ASCC3: variants seen among roughly 807,000 people sequenced by gnomAD.
The protein encoded by ASCC3 is ASC-1 complex subunit P200.
Under a neutral mutation model 256.3 loss-of-function variants are expected in ASCC3, and 158 were observed. The ratio of observed to expected loss-of-function variants is 0.62; its 90% CI spans 0.54 to 0.70. The LOEUF is 0.70. ASCC3 is among the 30% of genes least tolerant of loss of function. The probability of loss-of-function intolerance (pLI) is 0.00; values close to 1 mark genes in which losing one functional copy is unlikely to be tolerated. For missense variants in ASCC3, 2,259 were observed against 2,626.0 expected (o/e 0.86, Z 3.05); for synonymous variants, 948 against 883.4 (o/e 1.07, Z -1.30).
At chr6:100,546,685 T>C (rs953358103) in intron 36 of ASCC3, among the ~76,000 whole-genome samples, 1 of 152,162 alleles carries the variant, frequency 6.6e-6, no homozygotes, top group Middle Eastern at 3.2e-3. Flanking sequence ...CCAGAAAAAT[T>C]TAACAAGTTT....
intron 8 of ASCC3, among the ~76,000 whole-genome samples, chr6:100,778,083 G>A (rs925063254): frequency 6.2e-5 from 8 of 128,954 alleles, no homozygotes; most frequent in African/African-American, 2.3e-4. Flanking sequence ...ATCTGATGAT[G>A]ACTTAAATGT....
At chr6:100,666,360 C>T (rs1330923778) in intron 14 of ASCC3, among the ~76,000 whole-genome samples, 1 of 152,056 alleles carries the variant, frequency 6.6e-6, no homozygotes, top group South Asian at 2.1e-4. Context: ...TCTTACGGGT[C>T]ACATGGTTAA....
chr6:100,517,681 A>G (rs867044005), intron 38 of ASCC3, among the ~76,000 whole-genome samples: 24 of 152,312 alleles, frequency 1.6e-4, no homozygotes, highest in Non-Finnish European at 1.8e-4. Context: ...AAGCATTTTA[A>G]TGATATCTTC....
chr6:100,675,866 C>T (rs924493797), intron 14 of ASCC3, among the ~76,000 whole-genome samples: 8 of 152,048 alleles, frequency 5.3e-5, no homozygotes, highest in Admixed American at 5.2e-4. Flanking sequence ...AAATTTGTCC[C>T]TAACAGAAAA....
At chr6:100,708,054 A>G (rs758204826) in intron 13 of ASCC3, among the ~76,000 whole-genome samples, 2 of 152,114 alleles carry the variant, frequency 1.3e-5, no homozygotes, top group Non-Finnish European at 2.9e-5. Context: ...TCACAATTGT[A>G]ATAACCTTCT....
intron 13 of ASCC3, among the ~76,000 whole-genome samples, chr6:100,685,956 C>A (rs1207431012): frequency 6.6e-6 from 1 of 152,176 alleles, no homozygotes; most frequent in Admixed American, 6.5e-5. Context: ...TCTTCTAGTA[C>A]TTCCTCTATC....
chr6:100,834,287 A>G (rs184185673), intron 4 of ASCC3, among the ~76,000 whole-genome samples: 7 of 152,346 alleles, frequency 4.6e-5, no homozygotes, highest in East Asian at 1.9e-4. Context: ...GAATATTTCA[A>G]ATGTTAGCAC....
chr6:100,723,028 G>C (rs1280857621), intron 11 of ASCC3, among the ~76,000 whole-genome samples: 3 of 151,478 alleles, frequency 2.0e-5, no homozygotes, highest in Non-Finnish European at 4.4e-5. Flanking sequence ...TCCACAGTTT[G>C]ATATATAGAA....
At chr6:100,514,957 C>T (rs1009142949) in intron 39 of ASCC3, among the ~76,000 whole-genome samples, 2 of 152,176 alleles carry the variant, frequency 1.3e-5, no homozygotes, top group African/African-American at 4.8e-5. Flanking sequence ...GAGCCGGCAC[C>T]AGATTGCTCT....
At chr6:100,766,108 A>ATT (rs1217481544) in intron 10 of ASCC3, among the ~76,000 whole-genome samples, 10 of 152,194 alleles carry the variant, frequency 6.6e-5, no homozygotes, top group Non-Finnish European at 1.5e-4. Flanking sequence ...ATAGTGCTAT[A>ATT]TACAGTGCAT....
At chr6:100,758,906 G>A (rs1281566719) in intron 10 of ASCC3, among the ~76,000 whole-genome samples, 1 of 152,118 alleles carries the variant, frequency 6.6e-6, no homozygotes, top group Non-Finnish European at 1.5e-5. Flanking sequence ...AGCATCTGTT[G>A]TTTCTTGGTT....
chr6:100,793,373 C>T (rs1769444162), intron 8 of ASCC3, among the ~76,000 whole-genome samples: 1 of 151,910 alleles, frequency 6.6e-6, no homozygotes, highest in African/African-American at 2.4e-5. Context: ...GTCACTAAAA[C>T]CTGGTCATGC....
chr6:100,776,215 T>C (rs919551660), intron 8 of ASCC3, among the ~76,000 whole-genome samples: 7 of 152,204 alleles, frequency 4.6e-5, no homozygotes, highest in Admixed American at 1.3e-4. Flanking sequence ...AATGAATACA[T>C]AAAGTTAAAC....
At chr6:100,817,314 T>C (rs80305042) in intron 4 of ASCC3, among the ~76,000 whole-genome samples, 2,031 of 151,564 alleles carry the variant, frequency 0.013, 20 homozygotes, top group East Asian at 0.045. Context: ...TGTAAATGCA[T>C]ATATAAAGAA....
chr6:100,828,008 T>C (rs1254202951), intron 4 of ASCC3, among the ~76,000 whole-genome samples: 1 of 150,064 alleles, frequency 6.7e-6, no homozygotes, highest in East Asian at 2.0e-4. Context: ...CTTTATTTCC[T>C]TTCAAACTTA....
intron 30 of ASCC3, among the ~76,000 whole-genome samples, chr6:100,623,637 G>C (rs571935857): frequency 1.3e-5 from 2 of 152,172 alleles, no homozygotes; most frequent in African/African-American, 4.8e-5. Flanking sequence ...CACTGAAGAG[G>C]GTTGGTGGAG....
At chr6:100,643,297 A>G (rs239244) in intron 23 of ASCC3, among the ~76,000 whole-genome samples, 11,162 of 152,190 alleles carry the variant, frequency 0.073, 609 homozygotes, top group African/African-American at 0.15. Flanking sequence ...AGTTAAAGAA[A>G]TACCATCAAA....
intron 1 of ASCC3, among the ~76,000 whole-genome samples, chr6:100,876,892 T>C (rs933171544): frequency 2.6e-5 from 4 of 152,160 alleles, no homozygotes; most frequent in Admixed American, 1.3e-4. Flanking sequence ...GTCTTAAAAA[T>C]GTAACTGTCC....
rs376976049 is a variant in ASCC3 at position 100,679,800 on chromosome 6, A to G, written c.2152-48T>C. 5.7e-6 allele frequency: 9 copies of G among 1,582,998 alleles called. No homozygotes were observed. In the African/African-American group the frequency reaches 1.2e-4, roughly 21 times the overall value. On this transcript the variant is annotated intron_variant, in intron 13 of 41. Coordinates refer to ENST00000369162, the MANE Select transcript of ASCC3 (RefSeq NM_006828.4). ...ATTTAATATTCCAATTAATTAAATTACAGCTTAATAGTAGCCTGGATATCA... is the reference window on the plus strand; with the variant it reads ...ATTTAATATTCCAATTAATTAAATTGCAGCTTAATAGTAGCCTGGATATCA...
Sources: allele counts gnomAD v4.1 joint callset (sites outside exome capture counted in the v4.1 genomes callset), GRCh38; gene constraint gnomAD v4.1.1; transcripts MANE v1.5; gene names NCBI Gene and HGNC (gene_info 2026-07-23, HGNC 2026-07-21).